The following ELL variants were observed in gnomAD, a reference collection of about 807,000 sequenced individuals.
ELL encodes RNA polymerase II elongation factor ELL.
Under a neutral mutation model 64.0 loss-of-function variants are expected in ELL, and 18 were observed. That is an observed-to-expected ratio of 0.28 (90% CI 0.19 to 0.42). The LOEUF is 0.42. ELL is among the 10% of genes least tolerant of loss of function. The probability of loss-of-function intolerance (pLI) is 1.00; values close to 1 mark genes in which losing one functional copy is unlikely to be tolerated. For missense variants in ELL, 797 were observed against 870.4 expected, an observed-to-expected ratio of 0.92 and a Z score of 1.06; for synonymous variants, 399 against 376.2, an observed-to-expected ratio of 1.06 and a Z score of -0.70.
At chr19:18,499,356 G>A (rs956407824) in intron 1 of ELL, among the ~76,000 whole-genome samples, 4 of 152,160 alleles carry the variant, frequency 2.6e-5, no homozygotes, top group Non-Finnish European at 4.4e-5. Context: ...TGTCACACAG[G>A]GTGATGATCT....
chr19:18,465,706 G>C (rs1568382773), intron 3 of ELL, 91 bp downstream of exon 3: 1 of 1,460,826 alleles, frequency 6.8e-7, no homozygotes, highest in Non-Finnish European at 9.1e-7. Context: ...AGGCAATATG[G>C]TTTCAATGGG....
chr19:18,482,308 C>CTTTTTTTTTTTTTTTTT (rs530594631), intron 1 of ELL, among the ~76,000 whole-genome samples: 2 of 77,578 alleles, frequency 2.6e-5, no homozygotes, highest in African/African-American at 1.3e-4. Context: ...CTTTTCATTC[C>CTTTTTTTTTTTTTTTTT]TTTTTTTTTT....
In ELL at chr19:18,450,775, C is replaced by A; in HGVS notation, c.1167G>T (p.Glu389Asp). The A allele has an allele frequency of 6.3e-7, 1 of 1,578,808 alleles. No individual in the cohort carries two copies. The highest frequency in any genetic ancestry group is 8.6e-7 in the Non-Finnish European group (1 of 1,162,682). The change falls in exon 8 of 12, where the codon GAG becomes GAT. Residue 389 changes from glutamate (E) to aspartate (D), a missense_variant. Glu to Asp is a conservative substitution (Grantham distance 45). Transcript: ENST00000262809. ...SSSTHLPPRL[E>D]PPRAHDPLAD... The stretch of plus-strand genomic sequence containing the variant: ...CCAGGGGGTCGTGGGCCCTCGGGGG[C>A]TCCAGCCGCGGGGGCAGGTGAGTGC...
At chr19:18,481,985 G>A (rs1975308383) in intron 1 of ELL, among the ~76,000 whole-genome samples, 1 of 152,144 alleles carries the variant, frequency 6.6e-6, no homozygotes, top group Admixed American at 6.5e-5. Flanking sequence ...GCGAATGAGA[G>A]TTCCTGTTGC....
At chr19:18,452,593 CAA>C (rs1403543635) in intron 6 of ELL, among the ~76,000 whole-genome samples, 1 of 152,202 alleles carries the variant, frequency 6.6e-6, no homozygotes, top group East Asian at 1.9e-4. Flanking sequence ...GGGCCCAGAG[CAA>C]GAGGCACCAC....
intron 8 of ELL, chr19:18,448,496 C>T (rs935813339): frequency 1.3e-5 from 2 of 152,240 alleles, no homozygotes; most frequent in South Asian, 2.1e-4. Context: ...TTCCCAGGGA[C>T]GCAACTCAAT....
intron 1 of ELL, among the ~76,000 whole-genome samples, chr19:18,487,413 C>T (rs867127949): frequency 2.0e-5 from 3 of 152,242 alleles, no homozygotes; most frequent in Non-Finnish European, 4.4e-5. Flanking sequence ...TTGCCCTCAG[C>T]ATGGCCATAA....
chr19:18,445,151 G>T (rs1974385828), intron 11 of ELL, 73 bp downstream of exon 11: 1 of 1,591,396 alleles, frequency 6.3e-7, no homozygotes. Context: ...CAGGGAGGCT[G>T]CCCCGGGCCC....
chr19:18,444,476 G>T lies in ELL; in HGVS notation c.*276C>A. 2.4e-6 allele frequency: 1 copy of T among 415,176 alleles called. No homozygotes were observed. The highest frequency in any genetic ancestry group is 4.5e-5 in the South Asian group (1 of 22,142). 25.7% of individuals were successfully genotyped at this position (415,176 alleles called of 1,614,324 possible). Reference sequence around the variant, plus strand: ...CCCAAGGGCCTAGGAGTCTTCTGGCGAGACAGGAGGCTGAACCCCGGAGGC... The same window carrying T: ...CCCAAGGGCCTAGGAGTCTTCTGGCTAGACAGGAGGCTGAACCCCGGAGGC... On this transcript the variant is annotated 3_prime_UTR_variant, in exon 12 of 12. Coordinates refer to ENST00000262809, the MANE Select transcript of ELL (RefSeq NM_006532.4).
chr19:18,479,179 G>C (rs937583493), intron 1 of ELL, among the ~76,000 whole-genome samples: 2 of 152,262 alleles, frequency 1.3e-5, no homozygotes, highest in Non-Finnish European at 2.9e-5. Context: ...CTGAGGGCGG[G>C]GACAGTCCCC....
rs1555739214 is a variant in ELL at position 18,509,582 on chromosome 19, T to TGTGC, written c.135+12338_135+12339insGCAC. Among the ~76,000 whole-genome samples, 17 of 95,556 alleles carry TGTGC rather than the reference T, an allele frequency of 1.8e-4. 1 individual carries two copies. The highest frequency in any genetic ancestry group is 5.7e-4 in the African/African-American group (12 of 21,196). The allele number at this position is 95,556 out of a possible 152,430, so 62.7% of individuals were successfully genotyped here. A position where few individuals can be genotyped will look rare whatever the true frequency, so the allele number is the denominator to read the frequency against. ...AGATGGAGACACAGGCCAATGCACG[T>TGTGC]GCGCGCGCGCGCACATACACACACA... On this transcript the variant is annotated intron_variant, in intron 1 of 11. Coordinates refer to ENST00000262809, the MANE Select transcript of ELL (RefSeq NM_006532.4).
intron 2 of ELL, among the ~76,000 whole-genome samples, chr19:18,466,362 T>C (rs1400867960): frequency 6.6e-6 from 1 of 152,188 alleles, no homozygotes; most frequent in Non-Finnish European, 1.5e-5. Flanking sequence ...CACGCGCAAC[T>C]CTGGCGCCCC....
rs1032614506 is a variant in ELL at position 18,458,937 on chromosome 19, G to A, written c.745-608C>T. Among the ~76,000 whole-genome samples the A allele has an allele frequency of 1.1e-4, 17 of 151,008 alleles. 1 individual carries two copies. Among genetic ancestry groups the A allele is most frequent in the South Asian group, 8.3e-4 (4 of 4,810 alleles). On this transcript the variant is annotated intron_variant, in intron 5 of 11. Transcript: ENST00000262809. ...ACCTGGCTCCTATTTCTTCCAGGCT[G>A]GAGTGCAGTGGTGTGATCAAGGTTC...
intron 1 of ELL, among the ~76,000 whole-genome samples, chr19:18,519,929 G>A (rs1976224065): frequency 6.6e-6 from 1 of 152,074 alleles, no homozygotes; most frequent in East Asian, 1.9e-4. Context: ...AGCCAGCCAA[G>A]TTGCTCTGGA....
chr19:18,444,138 C>T lies in ELL; in HGVS notation c.*614G>A. On this transcript the variant is annotated 3_prime_UTR_variant, in exon 12 of 12. Transcript: ENST00000262809. ...ATAGCCACCTGGGCCACCCTGTTTG[C>T]TTGCTGGAGCAGAGACCCTGCCCAA... is the stretch of plus-strand genomic sequence containing the variant. The T allele has an allele frequency of 4.3e-6, 1 of 230,482 alleles. No homozygotes were observed. Among genetic ancestry groups the T allele is most frequent in the Non-Finnish European group, 8.6e-6 (1 of 116,350 alleles). 14.3% of individuals were successfully genotyped at this position (230,482 alleles called of 1,614,324 possible).
chr19:18,521,678 CGA>C (rs139715121), intron 1 of ELL, among the ~76,000 whole-genome samples: 5,410 of 152,098 alleles, frequency 0.036, 332 homozygotes, highest in African/African-American at 0.13. Context: ...GCCCGGCGCG[CGA>C]GTCTGGGCCC....
intron 2 of ELL, among the ~76,000 whole-genome samples, chr19:18,468,227 T>TAC (rs112698624): frequency 0.34 from 50,103 of 147,824 alleles, 10,742 homozygotes; most frequent in African/African-American, 0.62. Flanking sequence ...AAACAATCCA[T>TAC]ACACACACAC....
At chr19:18,451,519 T>C in intron 7 of ELL, 33 bp downstream of exon 7, 1 of 1,447,174 alleles carries the variant, frequency 6.9e-7, no homozygotes. Context: ...CTGCAGGTGC[T>C]TGGGACAGTC....
intron 1 of ELL, among the ~76,000 whole-genome samples, chr19:18,500,900 T>C (rs966185254): frequency 6.6e-6 from 1 of 152,096 alleles, no homozygotes; most frequent in Admixed American, 6.6e-5. Context: ...ACCAGCCAAT[T>C]TGCACACAGA....
Sources: gnomAD v4.1 joint callset for allele counts (sites outside exome capture counted in the v4.1 genomes callset) on GRCh38, gnomAD v4.1.1 for gene constraint, MANE v1.5 for transcripts, NCBI Gene and HGNC (gene_info 2026-07-23, HGNC 2026-07-21) for gene names.